CYTH3: variants seen among roughly 807,000 people sequenced by gnomAD.
CYTH3 encodes the protein cytohesin 3.
In CYTH3, 23 loss-of-function variants were observed where a neutral mutation model predicts 55.1. The ratio of observed to expected loss-of-function variants is 0.42; its 90% confidence interval spans 0.30 to 0.59. The LOEUF is 0.59. Among genes scored for constraint, CYTH3 ranks in the 20% least tolerant of loss-of-function variants. CYTH3 has a pLI of 0.20. For missense variants in CYTH3, 413 were observed against 524.8 expected (o/e 0.79, Z 2.08); for synonymous variants, 249 against 194.9 (o/e 1.28, Z -2.31).
intron 2 of CYTH3, among the ~76,000 whole-genome samples, chr7:6,188,036 A>G (rs1042386012): frequency 3.9e-5 from 6 of 152,150 alleles, no homozygotes; most frequent in African/African-American, 1.4e-4. Context: ...CTGTGAAAAG[A>G]TAAAACCAAG....
At chr7:6,199,945 A>G (rs1329991599) in intron 1 of CYTH3, among the ~76,000 whole-genome samples, 1 of 152,238 alleles carries the variant, frequency 6.6e-6, no homozygotes, top group Non-Finnish European at 1.5e-5. Flanking sequence ...AGGTGTATAT[A>G]TAAATCCTAA....
chr7:6,185,463 A>G (rs372623832), intron 4 of CYTH3, among the ~76,000 whole-genome samples: 49 of 151,900 alleles, frequency 3.2e-4, no homozygotes, highest in African/African-American at 8.9e-4. Context: ...TTGGGAGGCC[A>G]AGGTGGGCAG....
rs185897679 is a variant in CYTH3, at chr7:6,270,057, C to A, written c.34+2417G>T. Among the ~76,000 whole-genome samples, 6 of 152,222 alleles carry A rather than the reference C, an allele frequency of 3.9e-5. No individual in the cohort carries two copies. The East Asian group carries it at 1.2e-3, about 29-fold the overall frequency. ...ATCTGCTGGCAGCTGAAACGGTTTTCTTTAAAAGAGCTCAACTTTATTTTT... is the reference window on the plus strand; with the variant it reads ...ATCTGCTGGCAGCTGAAACGGTTTTATTTAAAAGAGCTCAACTTTATTTTT... On this transcript the variant is annotated intron_variant, in intron 1 of 12. Coordinates refer to ENST00000350796, the MANE Select transcript of CYTH3 (RefSeq NM_004227.4).
chr7:6,202,300 C>A (rs929762799), intron 1 of CYTH3, among the ~76,000 whole-genome samples: 2 of 152,148 alleles, frequency 1.3e-5, no homozygotes, highest in Non-Finnish European at 2.9e-5. Context: ...TCAGCCAAGG[C>A]CCCAGACGAA....
chr7:6,180,906 C>G (rs1292652753), intron 4 of CYTH3, among the ~76,000 whole-genome samples: 3 of 152,092 alleles, frequency 2.0e-5, no homozygotes, highest in Non-Finnish European at 4.4e-5. Flanking sequence ...ATTACTTTAG[C>G]CCAATCAAAT....
intron 1 of CYTH3, among the ~76,000 whole-genome samples, chr7:6,235,536 T>C (rs1170748787): frequency 6.6e-6 from 1 of 151,832 alleles, no homozygotes; most frequent in East Asian, 1.9e-4. Flanking sequence ...CAGCCAGTTA[T>C]TTCCACAGCA....
intron 4 of CYTH3, among the ~76,000 whole-genome samples, chr7:6,183,159 C>A (rs1389726918): frequency 6.6e-6 from 1 of 152,252 alleles, no homozygotes; most frequent in Non-Finnish European, 1.5e-5. Flanking sequence ...CTGCTAGACA[C>A]AAGGTCAGGA....
rs950415646 is a variant in CYTH3, at chr7:6,167,380, C to T, written c.824-1570G>A. On this transcript the variant is annotated intron_variant, in intron 9 of 12. Coordinates refer to ENST00000350796, the MANE Select transcript of CYTH3 (RefSeq NM_004227.4). The surrounding 1 kb of genome is among the most constrained non-coding windows in gnomAD (Gnocchi z 5.5). ...GACAGGAGGACAGTGCTGATTCCTT[C>T]CAGGCACTTGCTCCAGCTTGAACTG... Among the ~76,000 whole-genome samples, 1 of 152,168 alleles carries T rather than the reference C, an allele frequency of 6.6e-6. No individual in the cohort carries two copies. Among genetic ancestry groups the T allele is most frequent in the East Asian group, 1.9e-4 (1 of 5,188 alleles).
chr7:6,172,798 G>A (rs957868751), intron 6 of CYTH3: 33 of 1,281,090 alleles, frequency 2.6e-5, no homozygotes, highest in Admixed American at 9.3e-5. Context: ...AACTGCGGCT[G>A]CAGGATTCTT....
intron 1 of CYTH3, among the ~76,000 whole-genome samples, chr7:6,196,285 G>C (rs1783925408): frequency 6.6e-6 from 1 of 152,086 alleles, no homozygotes; most frequent in African/African-American, 2.4e-5. Context: ...GAGATCAAGA[G>C]ATAACGTGAG....
rs192166943 is a variant in CYTH3 at position 6,242,233 on chromosome 7, C to T, written c.34+30241G>A. ...CTGGGACTACAGGCGCCCACCACTA[C>T]GCCCACCTAATTTTTTGTATTTTTA... On this transcript the variant is annotated intron_variant, in intron 1 of 12. Transcript: ENST00000350796. 4.1e-4 allele frequency among the ~76,000 whole-genome samples: 63 copies of T among 151,988 alleles called. 1 individual carries two copies. The East Asian group carries it at 0.011, about 27-fold the overall frequency.
At chr7:6,243,612 A>G (rs550354247) in intron 1 of CYTH3, among the ~76,000 whole-genome samples, 2 of 152,292 alleles carry the variant, frequency 1.3e-5, no homozygotes, top group East Asian at 3.9e-4. Flanking sequence ...GTTTAGTGGA[A>G]TTTACTTAGG....
chr7:6,165,458 A>AG lies in CYTH3; in HGVS notation c.973-32dup, dbSNP rs764477386. ...GGAGAAAGAGAGAGGGGAGGCGGTCAGGGGGGCTTGGGGCAGGTTCCCTGC... is the reference window on the plus strand; with the variant it reads ...GGAGAAAGAGAGAGGGGAGGCGGTCAGGGGGGGCTTGGGGCAGGTTCCCTGC... On this transcript the variant is annotated intron_variant, in intron 11 of 12. Coordinates refer to ENST00000350796, the MANE Select transcript of CYTH3 (RefSeq NM_004227.4). 1.7e-5 allele frequency: 28 copies of AG among 1,609,242 alleles called. 1 individual carries two copies. Among genetic ancestry groups the AG allele is most frequent in the Admixed American group, 1.5e-4 (9 of 59,700 alleles).
intron 5 of CYTH3, among the ~76,000 whole-genome samples, chr7:6,175,485 A>G (rs1393563203): frequency 6.7e-6 from 1 of 149,912 alleles, no homozygotes; most frequent in Non-Finnish European, 1.5e-5. Context: ...ATGCTGTTCC[A>G]TCATTTATGT....
chr7:6,164,700 C>T lies in CYTH3; in HGVS notation c.*244G>A. On this transcript the variant is annotated 3_prime_UTR_variant, in exon 13 of 13. Transcript: ENST00000350796. Reference sequence around the variant, plus strand: ...CATGACCCCAGCCACGGCAGGAGGCCTCGAGGATCAGTCTGGGCCACGGTA... The same window carrying T: ...CATGACCCCAGCCACGGCAGGAGGCTTCGAGGATCAGTCTGGGCCACGGTA... 1 of 566,518 alleles carries T rather than the reference C, an allele frequency of 1.8e-6. No homozygotes were observed. Among genetic ancestry groups the T allele is most frequent in the Non-Finnish European group, 3.1e-6 (1 of 319,050 alleles). The allele number at this position is 566,518 out of a possible 1,614,324, so 35.1% of individuals were successfully genotyped here. A position where few individuals can be genotyped will look rare whatever the true frequency, so the allele number is the denominator to read the frequency against.
At chr7:6,198,775 A>T (rs1583776543) in intron 1 of CYTH3, among the ~76,000 whole-genome samples, 1 of 82,208 alleles carries the variant, frequency 1.2e-5, no homozygotes, top group Admixed American at 1.3e-4. Context: ...TAAAGCTGCT[A>T]AAAAAAAAAA....
chr7:6,210,617 C>T (rs997736637), intron 1 of CYTH3, among the ~76,000 whole-genome samples: 1 of 152,152 alleles, frequency 6.6e-6, no homozygotes, highest in Non-Finnish European at 1.5e-5. Flanking sequence ...GCTAAAAATG[C>T]GTGAAATCTA....
At chr7:6,173,154 TCCTGCTTGCAGA>T in intron 6 of CYTH3, 1 of 789,164 alleles carries the variant, frequency 1.3e-6, no homozygotes, top group Non-Finnish European at 1.6e-6. Flanking sequence ...CGAGACAACT[TCCTGCTTGCAGA>T]GCAGGAGGAA....
At chr7:6,182,425 C>T (rs1458955806) in intron 4 of CYTH3, among the ~76,000 whole-genome samples, 9 of 152,146 alleles carry the variant, frequency 5.9e-5, no homozygotes, top group African/African-American at 1.2e-4. Flanking sequence ...CACAGCTCAC[C>T]GCAGCCTCAA....
Sources: allele counts gnomAD v4.1 joint callset (sites outside exome capture counted in the v4.1 genomes callset), GRCh38; gene constraint gnomAD v4.1.1; non-coding constraint Gnocchi (gnomAD v3.1); transcripts MANE v1.5; gene names NCBI Gene and HGNC (gene_info 2026-07-23, HGNC 2026-07-21).